ARHGAP40: variants seen among roughly 807,000 people sequenced by gnomAD.
ARHGAP40 encodes Rho GTPase activating protein 40.
In ARHGAP40, 43 loss-of-function variants were observed where a neutral mutation model predicts 73.5. The ratio of observed to expected loss-of-function variants is 0.58; its 90% CI spans 0.46 to 0.75. The LOEUF (loss-of-function observed/expected upper bound fraction) is 0.75. ARHGAP40 is among the 30% of genes least tolerant of loss of function. The probability of loss-of-function intolerance (pLI) is 0.00; values close to 1 mark genes in which losing one functional copy is unlikely to be tolerated. For synonymous variants in ARHGAP40, 300 were observed against 352.8 expected (o/e 0.85, Z 1.68); for missense variants, 734 against 861.8 (o/e 0.85, Z 1.86).
chr20:38,635,831 C>A (rs2088971430), intron 6 of ARHGAP40, among the ~76,000 whole-genome samples: 1 of 152,112 alleles, frequency 6.6e-6, no homozygotes, highest in African/African-American at 2.4e-5. Context: ...ACATAACAAA[C>A]AACCCCCAAA....
At chr20:38,615,351 C>T in intron 1 of ARHGAP40, 1 of 764,566 alleles carries the variant, frequency 1.3e-6, no homozygotes, top group Non-Finnish European at 2.4e-6. Flanking sequence ...GGTACTTCCA[C>T]TGGTAAACCA....
Position 38,646,563 on chromosome 20 carries a change from T to C in ARHGAP40, c.1710+376T>C, listed in dbSNP as rs1013420769. On this transcript the variant is annotated intron_variant, in intron 12 of 14. Coordinates refer to ENST00000373345, the Ensembl canonical transcript of ARHGAP40. This position sits in a 1 kb window ranked among gnomAD's most constrained non-coding sequence, Gnocchi z 4.5. ...GCCTTCCAAAAATACTGAGTATTCC[T>C]AGGAGGGGTCCTGAACACGGTTCCT... 3.3e-5 allele frequency among the ~76,000 whole-genome samples: 5 copies of C among 152,158 alleles called. No homozygotes were observed. The highest frequency in any genetic ancestry group is 1.2e-4 in the African/African-American group (5 of 41,434).
At chr20:38,603,447 A>G (rs1216587937) in intron 1 of ARHGAP40, among the ~76,000 whole-genome samples, 5 of 145,578 alleles carry the variant, frequency 3.4e-5, no homozygotes, top group Middle Eastern at 3.5e-3. Flanking sequence ...CTATCTATCT[A>G]TCTATCTATC....
At chr20:38,638,643 A>C in intron 7 of ARHGAP40, 118 bp from the exon 8 acceptor site, 1 of 660,946 alleles carries the variant, frequency 1.5e-6, no homozygotes, top group South Asian at 1.7e-5. Context: ...TATTATTCCG[A>C]AGGAAACCCT....
chr20:38,648,607 G>C (rs1446596143), intron 13 of ARHGAP40, 36 bp from the exon 14 acceptor site: 1 of 1,289,396 alleles, frequency 7.8e-7, no homozygotes, highest in Admixed American at 2.3e-5. Flanking sequence ...GAAGAAAAAG[G>C]CAGTAGTTTT....
At chr20:38,650,228 C>T (rs969321750) in exon 15 of ARHGAP40, 3 of 407,464 alleles carry the variant, frequency 7.4e-6, no homozygotes, top group Admixed American at 3.0e-5. Context: ...CTGTATGACG[C>T]CACCACTTGG....
chr20:38,615,778 C>T (rs959392981), intron 1 of ARHGAP40, among the ~76,000 whole-genome samples: 11 of 152,086 alleles, frequency 7.2e-5, no homozygotes, highest in East Asian at 1.9e-4. Flanking sequence ...TGGGGTTGTG[C>T]GATAGCGTGC....
chr20:38,609,902 C>T (rs902632558), intron 1 of ARHGAP40, among the ~76,000 whole-genome samples: 3 of 152,232 alleles, frequency 2.0e-5, no homozygotes, highest in Non-Finnish European at 2.9e-5. Context: ...GGTAGGATGA[C>T]AATCTGGCTC....
At chr20:38,636,874 G>A (rs749955834) in intron 6 of ARHGAP40, among the ~76,000 whole-genome samples, 1 of 152,100 alleles carries the variant, frequency 6.6e-6, no homozygotes, top group Non-Finnish European at 1.5e-5. Flanking sequence ...TTTCTTTAAA[G>A]ACAAGAGGAT....
At chr20:38,650,299 G>T (rs1490192583) in exon 15 of ARHGAP40, 1 of 469,526 alleles carries the variant, frequency 2.1e-6, no homozygotes, top group Non-Finnish European at 4.4e-6. Context: ...AATTAAAAAT[G>T]CAGTACCTTT....
intron 11 of ARHGAP40, among the ~76,000 whole-genome samples, chr20:38,644,230 T>C (rs1212172528): frequency 6.6e-6 from 1 of 152,110 alleles, no homozygotes; most frequent in Non-Finnish European, 1.5e-5. Context: ...GCCCCATCCC[T>C]GAGGCCCAGG....
chr20:38,629,583 C>G lies in ARHGAP40; in HGVS notation c.716C>G (p.Ala239Gly). ...GACTCTGCCTACTCAGAACAAGCTG[C>G]GGTGCTCCTGCAGAGGAGCAGGCCA... Residue 239 changes from alanine to glycine, a missense_variant, in exon 5 of 15, where the codon GCG becomes GGG. By Grantham distance (60) the Ala-to-Gly change is moderately conservative (BLOSUM62 0). Coordinates refer to ENST00000373345, the Ensembl canonical transcript of ARHGAP40. 5 of 1,305,410 alleles carry G rather than the reference C, an allele frequency of 3.8e-6. No individual in the cohort carries two copies. The South Asian group carries it at 4.9e-5, about 13-fold the overall frequency. The allele number at this position is 1,305,410 out of a possible 1,614,324, so 80.9% of individuals were successfully genotyped here.
Position 38,635,301 on chromosome 20 carries a change from C to T in ARHGAP40, c.949+516C>T, listed in dbSNP as rs930236597. Among the ~76,000 whole-genome samples the T allele has an allele frequency of 3.3e-5, 5 of 152,076 alleles. No individual in the cohort carries two copies. In the East Asian group the frequency reaches 9.6e-4, roughly 29 times the overall value. On this transcript the variant is annotated intron_variant, in intron 6 of 14. Transcript: ENST00000373345. ...AATACAAAAAGGAAAAAATATAATT[C>T]AGAAAAGCACTTTTAGTGTATTATC...
chr20:38,639,976 AG>A (rs2089004481), intron 9 of ARHGAP40, among the ~76,000 whole-genome samples: 1 of 152,186 alleles, frequency 6.6e-6, no homozygotes, highest in East Asian at 1.9e-4. Flanking sequence ...TTCTCCAAAA[AG>A]CTCCAAGGCT....
At position 38,648,658 on chromosome 20, in the gene ARHGAP40, G is replaced by A. The variant is rs116418564; in HGVS notation, c.1896G>A (p.Glu632=). Reference sequence around the variant, plus strand: ...TGTTTTACAGCCATAGGTCCATGGAGTCAGCCAACATCCTCCTCTATGAAG... The same window carrying A: ...TGTTTTACAGCCATAGGTCCATGGAATCAGCCAACATCCTCCTCTATGAAG... Residue 632 remains glutamate, a synonymous_variant, in exon 14 of 15, where the codon GAG becomes GAA. Transcript: ENST00000373345. 2.6e-3 allele frequency: 3,459 copies of A among 1,305,688 alleles called. 86 individuals are homozygous for A. The African/African-American group carries it at 0.047, about 18-fold the overall frequency. 80.9% of individuals were successfully genotyped at this position (1,305,688 alleles called of 1,614,324 possible). A position where few individuals can be genotyped will look rare whatever the true frequency, so the allele number is the denominator to read the frequency against.
At chr20:38,604,381 C>T (rs2088758486) in intron 1 of ARHGAP40, among the ~76,000 whole-genome samples, 1 of 150,708 alleles carries the variant, frequency 6.6e-6, no homozygotes, top group Non-Finnish European at 1.5e-5. Flanking sequence ...AACATTTTTA[C>T]TTCCAGAACA....
Position 38,644,012 on chromosome 20 carries a change from C to T in ARHGAP40, c.1569+102C>T, listed in dbSNP as rs2089036417. 1.7e-5 allele frequency: 18 copies of T among 1,053,148 alleles called. No homozygotes were observed. In the Admixed American group the frequency reaches 3.2e-4, roughly 19 times the overall value. 65.2% of individuals were successfully genotyped at this position (1,053,148 alleles called of 1,614,324 possible). A position where few individuals can be genotyped will look rare whatever the true frequency, so the allele number is the denominator to read the frequency against. ...TGTCCTTTCAGTTCCCTAGTGTGTC[C>T]CTTCCAGGACCTTTGTTGGCCTCTG... On this transcript the variant is annotated intron_variant, in intron 11 of 14. Coordinates refer to ENST00000373345, the Ensembl canonical transcript of ARHGAP40.
chr20:38,650,076 A>G (rs2089079901), exon 15 of ARHGAP40: 9 of 360,980 alleles, frequency 2.5e-5, no homozygotes, highest in South Asian at 1.5e-4. Flanking sequence ...GGAGGCCAAC[A>G]CTGTAGCCAT....
chr20:38,649,708 C>T (rs757247032), intron 14 of ARHGAP40, 49 bp from the exon 15 acceptor site: 9 of 1,176,894 alleles, frequency 7.6e-6, no homozygotes, highest in Middle Eastern at 2.2e-4. Context: ...AGGGGAACAG[C>T]ATCTCCTACA....
Sources: gnomAD v4.1 joint callset for allele counts (sites outside exome capture counted in the v4.1 genomes callset) on GRCh38, gnomAD v4.1.1 for gene constraint, Gnocchi (gnomAD v3.1) non-coding constraint, MANE v1.5 for transcripts, NCBI Gene and HGNC (gene_info 2026-07-23, HGNC 2026-07-21) for gene names.